The following NCF2 variants were observed in gnomAD, a reference collection of about 807,000 sequenced individuals.
The protein encoded by NCF2 is neutrophil cytosol factor 2.
A neutral mutation model predicts 70.9 loss-of-function variants in NCF2; 45 were observed. The ratio of observed to expected loss-of-function variants is 0.63; its 90% CI spans 0.50 to 0.81. The LOEUF (loss-of-function observed/expected upper bound fraction) is 0.81. Among genes scored for constraint, NCF2 ranks in the 40% least tolerant of loss-of-function variants. The probability of loss-of-function intolerance (pLI) is 0.00; values close to 1 mark genes in which losing one functional copy is unlikely to be tolerated. For missense variants in NCF2, 522 were observed against 631.6 expected, an observed-to-expected ratio of 0.83 and a Z score of 1.86; for synonymous variants, 203 against 233.6, an observed-to-expected ratio of 0.87 and a Z score of 1.19.
chr1:183,598,319 C>T, the NCF2 span: 1 of 152,012 alleles, frequency 6.6e-6, no homozygotes, highest in Non-Finnish European at 1.5e-5. Flanking sequence ...TAGATGTAAG[C>T]CCCAGGCCCA....
chr1:183,574,644 A>G, intron 3 of NCF2, 23 bp from the exon 4 acceptor site: 1 of 1,614,014 alleles, frequency 6.2e-7, no homozygotes, highest in Non-Finnish European at 8.5e-7. Context: ...AGACCGCAAC[A>G]TAAAACTTGA....
At chr1:183,599,406 CT>C in the NCF2 span, among the ~76,000 whole-genome samples, 22 of 145,168 alleles carry the variant, frequency 1.5e-4, no homozygotes, top group African/African-American at 5.5e-4. Context: ...ACCTCTTTTT[CT>C]TTCTTTCTTT....
chr1:183,599,423 CTTCTTTCTTTCTTTCT>C, the NCF2 span, among the ~76,000 whole-genome samples: 131 of 107,508 alleles, frequency 1.2e-3, no homozygotes, highest in African/African-American at 2.9e-3. Flanking sequence ...TCTTTCTTTC[CTTCTTTCTTTCTTTCT>C]TTCTTTCTTT....
chr1:183,594,739 T>C (rs1409022635), upstream of NCF2, among the ~76,000 whole-genome samples: 4 of 152,214 alleles, frequency 2.6e-5, no homozygotes, highest in Non-Finnish European at 4.4e-5. Flanking sequence ...CACTACAAAC[T>C]ACTGTTGCAT....
At chr1:183,567,513 G>C in intron 7 of NCF2, 168 bp from the exon 8 acceptor site, 1 of 902,368 alleles carries the variant, frequency 1.1e-6, no homozygotes. Context: ...AGAGGTCTCA[G>C]CAAGAAACTG....
chr1:183,565,804 C>A, intron 9 of NCF2, 25 bp from the exon 10 acceptor site: 2 of 1,612,058 alleles, frequency 1.2e-6, no homozygotes, highest in East Asian at 2.2e-5. Flanking sequence ...GAGCGACGGT[C>A]AGAACCTTCA....
the NCF2 span, among the ~76,000 whole-genome samples, chr1:183,599,435 T>TTTCTTTCC: frequency 1.1e-5 from 1 of 93,962 alleles, no homozygotes. Context: ...TCTTTCTTTC[T>TTTCTTTCC]TTCTTTCTTT....
chr1:183,558,020 G>C (rs1671868838), intron 14 of NCF2, among the ~76,000 whole-genome samples: 1 of 151,554 alleles, frequency 6.6e-6, no homozygotes, highest in Non-Finnish European at 1.5e-5. Flanking sequence ...AACTACAAGT[G>C]CACGCCACCA....
intron 14 of NCF2, among the ~76,000 whole-genome samples, chr1:183,559,267 A>T (rs1412528923): frequency 6.6e-6 from 1 of 152,086 alleles, no homozygotes; most frequent in African/African-American, 2.4e-5. Flanking sequence ...GCCTCAAGTG[A>T]TCCTCCTACC....
the NCF2 span, among the ~76,000 whole-genome samples, chr1:183,601,691 A>T: frequency 6.6e-6 from 1 of 152,058 alleles, no homozygotes; most frequent in Non-Finnish European, 1.5e-5. Flanking sequence ...CCCCGTCTCT[A>T]CTAAAAATAC....
At position 183,560,126 on chromosome 1, in the gene NCF2, C is replaced by T; in HGVS notation, c.1438G>A (p.Glu480Lys). The T allele has an allele frequency of 6.2e-7, 1 of 1,614,124 alleles. No homozygotes were observed. The highest frequency in any genetic ancestry group is 8.5e-7 in the Non-Finnish European group (1 of 1,179,994). Residue 480 changes from glutamate to lysine, a missense_variant, in exon 14 of 15, where the codon GAA (glutamate) becomes AAA (lysine). Transcript: ENST00000367535. ...ATQPEDLEFQEGDIILVLSKV... is the reference protein window; with the variant it reads ...ATQPEDLEFQKGDIILVLSKV... ...GATAACACCAGGATTATATCCCCTT[C>T]CTGAAACTCCAGGTCCTCTGGTTGG... is the stretch of plus-strand genomic sequence containing the variant.
rs1672160241 is a variant in NCF2, at chr1:183,563,373, C to T, written c.1178+61G>A. The T allele has an allele frequency of 5.6e-6, 9 of 1,613,964 alleles. No individual in the cohort carries two copies. The African/African-American group carries it at 6.7e-5, about 12-fold the overall frequency. On this transcript the variant is annotated intron_variant, in intron 12 of 14. Transcript: ENST00000367535. ...ATCACAAAAACCATCCTCCTCTTCC[C>T]TCCTCCAGGCCAGCACAAGGTTCCC...
intron 1 of NCF2, among the ~76,000 whole-genome samples, chr1:183,587,595 C>CAAAAAAAAAAAA (rs11287969): frequency 5.0e-4 from 21 of 41,892 alleles, no homozygotes; most frequent in Non-Finnish European, 7.3e-4. Context: ...CACCCTGTCT[C>CAAAAAAAAAAAA]AAAAAAAAAA....
chr1:183,587,085 T>C, intron 1 of NCF2, 108 bp from the exon 2 acceptor site: 1 of 1,078,246 alleles, frequency 9.3e-7, no homozygotes, highest in Non-Finnish European at 1.4e-6. Flanking sequence ...AGCTCTGCTG[T>C]CTGCCCTCGT....
Position 183,573,244 on chromosome 1 carries a change from G to C in NCF2, c.550C>G (p.Arg184Gly). ...PVVIPVGKLF[R>G]PNERQVAQLA... ...TGAGCCACTTGTCTCTCATTTGGTCGAAACAGCTTGCCCACAGGGATCACC... is the reference window on the plus strand; with the variant it reads ...TGAGCCACTTGTCTCTCATTTGGTCCAAACAGCTTGCCCACAGGGATCACC... The change falls in exon 5 of 15, where the codon CGA (arginine) becomes GGA (glycine). Residue 184 changes from arginine (R) to glycine (G), a missense_variant. Arg to Gly is a moderately radical substitution (Grantham distance 125). Coordinates refer to ENST00000367535, the MANE Select transcript of NCF2 (RefSeq NM_000433.4). The C allele has an allele frequency of 6.2e-7, 1 of 1,614,076 alleles. No homozygotes were observed. The highest frequency in any genetic ancestry group is 8.5e-7 in the Non-Finnish European group (1 of 1,179,976).
At chr1:183,581,548 C>T (rs937249726) in intron 2 of NCF2, among the ~76,000 whole-genome samples, 3 of 151,864 alleles carry the variant, frequency 2.0e-5, no homozygotes, top group Non-Finnish European at 4.4e-5. Context: ...AGGCTGGTCT[C>T]GAACTCCTGG....
intron 3 of NCF2, among the ~76,000 whole-genome samples, chr1:183,576,704 G>A (rs1167648336): frequency 6.6e-6 from 1 of 152,208 alleles, no homozygotes; most frequent in African/African-American, 2.4e-5. Context: ...CTAGCCTGCT[G>A]CAGGGTTGGG....
Position 183,590,318 on chromosome 1 carries a change from C to T in NCF2, c.12G>A (p.Val4=), listed in dbSNP as rs751114991. 6.2e-7 allele frequency: 1 copy of T among 1,614,094 alleles called. No individual in the cohort carries two copies. The highest frequency in any genetic ancestry group is 1.7e-5 in the Admixed American group (1 of 60,014). MSL[V]EAISLWNEGV... is the part of the protein sequence containing the mutation. ...CTTCATTCCAGAGGCTGATGGCCTC[C>T]ACCAGGGACATGATTAGGTAGAAAC... Residue 4 remains valine (V), a synonymous_variant, in exon 1 of 15, where the codon GTG becomes GTA. Coordinates refer to ENST00000367535, the MANE Select transcript of NCF2 (RefSeq NM_000433.4).
chr1:183,590,740 C>A, upstream of NCF2: 1 of 255,976 alleles, frequency 3.9e-6, no homozygotes, highest in Admixed American at 4.9e-5. Flanking sequence ...GCTTCTAGAG[C>A]CAGGGTAACC....
Sources: allele counts gnomAD v4.1 joint callset (sites outside exome capture counted in the v4.1 genomes callset), GRCh38; gene constraint gnomAD v4.1.1; transcripts MANE v1.5; gene names NCBI Gene and HGNC (gene_info 2026-07-23, HGNC 2026-07-21).